The following REST variants were observed in gnomAD, a reference collection of about 807,000 sequenced individuals.
REST encodes the protein RE1 silencing transcription factor, also known as RE1-silencing transcription factor.
REST carries 1 observed loss-of-function variant against 30.4 expected under a neutral mutation model. The observed-to-expected ratio is 0.03, with a 90% CI of 0.01 to 0.16. REST has a LOEUF of 0.16. Among genes scored for constraint, REST ranks in the 10% least tolerant of loss-of-function variants. The probability of loss-of-function intolerance (pLI) is 1.00; values close to 1 mark genes in which losing one functional copy is unlikely to be tolerated. For synonymous variants in REST, 504 were observed against 451.1 expected, an observed-to-expected ratio of 1.12 and a Z score of -1.49; for missense variants, 1,259 against 1,329.5, an observed-to-expected ratio of 0.95 and a Z score of 0.82.
At chr4:56,915,189 TACAGGCGTGAGCC>T (rs1442310006) in intron 2 of REST, among the ~76,000 whole-genome samples, 6 of 149,726 alleles carry the variant, frequency 4.0e-5, no homozygotes, top group African/African-American at 1.5e-4. Context: ...TCCCAAAGAT[TACAGGCGTGAGCC>T]ACCACGCCTG....
At chr4:56,927,425 A>G (rs939441831) in intron 3 of REST, among the ~76,000 whole-genome samples, 6 of 152,256 alleles carry the variant, frequency 3.9e-5, no homozygotes, top group Non-Finnish European at 8.8e-5. Flanking sequence ...GACTACCTGG[A>G]TAAGGTGATT....
At chr4:56,924,087 G>C (rs866969467) in intron 3 of REST, among the ~76,000 whole-genome samples, 2 of 151,964 alleles carry the variant, frequency 1.3e-5, no homozygotes, top group Middle Eastern at 6.8e-3. Context: ...CAAACTCCTG[G>C]CCTCAAGCAG....
intron 1 of REST, among the ~76,000 whole-genome samples, chr4:56,908,439 G>A (rs1034510344): frequency 6.6e-6 from 1 of 151,960 alleles, no homozygotes; most frequent in Non-Finnish European, 1.5e-5. Context: ...GCGTTTGTTG[G>A]GAGCAGCGCG....
At position 56,930,476 on chromosome 4, in the gene REST, T is replaced by A. The variant is rs1344692204; in HGVS notation, c.1618T>A (p.Ser540Thr). The A allele has an allele frequency of 6.2e-7, 1 of 1,611,338 alleles. No individual in the cohort carries two copies. The change falls in exon 4 of 4, where the codon TCA (serine) becomes ACA (threonine). Residue 540 changes from serine to threonine, a missense_variant. By Grantham distance (58) the Ser-to-Thr change is moderately conservative. Around this residue, in one of 5 missense-constraint regions of REST, gnomAD observed 856 missense variants for 772.8 expected, o/e 1.11. Coordinates refer to ENST00000309042, the MANE Select transcript of REST (RefSeq NM_005612.5). ...LHGPVNDEES[S>T]TKKKKKVESK... ...TGGTCCTGTGAATGATGAGGAATCTTCAACAAAAAAGAAAAAGAAGGTAGA... is the reference window on the plus strand; with the variant it reads ...TGGTCCTGTGAATGATGAGGAATCTACAACAAAAAAGAAAAAGAAGGTAGA...
intron 3 of REST, 198 bp downstream of exon 3, chr4:56,920,068 T>C: frequency 2.6e-6 from 1 of 382,008 alleles, no homozygotes. Context: ...AAAATGGAAT[T>C]TTTGTGTACA....
chr4:56,925,059 G>A (rs959320956), intron 3 of REST, among the ~76,000 whole-genome samples: 11 of 151,666 alleles, frequency 7.3e-5, no homozygotes, highest in East Asian at 3.9e-4. Context: ...CAGCTACTCC[G>A]GAGGCTGAGA....
In REST at chr4:56,931,315, TAAAAAG is replaced by T. The variant is rs773617219; in HGVS notation, c.2458_2463del (p.Lys820_Lys821del). ...CCAAAAAGCCTCCTCTCCGAAAAGATAAAAAGGAAAAGTCTAACATGCAGAGTGAAA... is the reference window on the plus strand; with the variant it reads ...CCAAAAAGCCTCCTCTCCGAAAAGATGAAAAGTCTAACATGCAGAGTGAAA... On this transcript the variant is annotated inframe_deletion, in exon 4 of 4. Transcript: ENST00000309042. 9 of 1,614,146 alleles carry T rather than the reference TAAAAAG, an allele frequency of 5.6e-6. No individual in the cohort carries two copies. The highest frequency in any genetic ancestry group is 4.0e-5 in the African/African-American group (3 of 75,030).
At position 56,934,466 on chromosome 4, in the gene REST, T is replaced by C. The variant is rs2109584515; in HGVS notation, c.*2314T>C. The C allele has an allele frequency of 6.6e-6, 1 of 152,310 alleles. No homozygotes were observed. Among genetic ancestry groups the C allele is most frequent in the East Asian group, 1.9e-4 (1 of 5,184 alleles). The allele number at this position is 152,310 out of a possible 1,614,324, so 9.4% of individuals were successfully genotyped here. ...GAAATTAAAACCCCTTATTATTAAA[T>C]TGATTTGTAAAAACATTGTTACTGG... is the stretch of plus-strand genomic sequence containing the variant. On this transcript the variant is annotated 3_prime_UTR_variant, in exon 4 of 4. Transcript: ENST00000309042.
intron 2 of REST, among the ~76,000 whole-genome samples, chr4:56,914,379 A>G (rs529133708): frequency 6.6e-6 from 1 of 152,336 alleles, no homozygotes; most frequent in South Asian, 2.1e-4. Context: ...CAGCAGATGG[A>G]TGGCTCATGT....
At chr4:56,921,314 T>G (rs1720440875) in intron 3 of REST, among the ~76,000 whole-genome samples, 1 of 152,236 alleles carries the variant, frequency 6.6e-6, no homozygotes, top group Non-Finnish European at 1.5e-5. Flanking sequence ...GAGTAGCCAC[T>G]AGCCACATGT....
intron 2 of REST, among the ~76,000 whole-genome samples, chr4:56,917,854 A>G (rs1720275232): frequency 1.3e-5 from 2 of 151,340 alleles, no homozygotes; most frequent in Admixed American, 1.3e-4. Flanking sequence ...GATCGAGACC[A>G]TCCTGGCTAA....
In REST at chr4:56,910,308, G is replaced by A. The variant is rs546562092; in HGVS notation, c.-9-322G>A. Among the ~76,000 whole-genome samples the A allele has an allele frequency of 1.9e-3, 287 of 152,246 alleles. 2 individuals carry two copies. The highest frequency in any genetic ancestry group is 6.2e-3 in the African/African-American group (259 of 41,540). ...AATAATTTTAACAGTAAAAATGAAG[G>A]TTACTTTTTATCCCCACCAGAACAA... On this transcript the variant is annotated intron_variant, in intron 1 of 3. Coordinates refer to ENST00000309042, the MANE Select transcript of REST (RefSeq NM_005612.5).
chr4:56,914,846 G>A (rs1392819304), intron 2 of REST, among the ~76,000 whole-genome samples: 1 of 150,188 alleles, frequency 6.7e-6, no homozygotes, highest in East Asian at 1.9e-4. Flanking sequence ...GAGCCACCAA[G>A]CCTGGCCTGG....
intron 3 of REST, among the ~76,000 whole-genome samples, chr4:56,928,943 G>A (rs114389802): frequency 6.6e-5 from 10 of 151,736 alleles, no homozygotes; most frequent in African/African-American, 2.4e-4. Flanking sequence ...CTGTTGCCCA[G>A]GTTGGAGTTC....
intron 3 of REST, among the ~76,000 whole-genome samples, chr4:56,920,920 C>T (rs1720418323): frequency 6.6e-6 from 1 of 152,018 alleles, no homozygotes; most frequent in Non-Finnish European, 1.5e-5. Flanking sequence ...GGCTGGAGTG[C>T]AGTAGTGCGA....
chr4:56,929,002 G>A (rs941727047), intron 3 of REST, among the ~76,000 whole-genome samples: 9 of 151,720 alleles, frequency 5.9e-5, no homozygotes, highest in African/African-American at 9.7e-5. Flanking sequence ...GGGCTTAAGC[G>A]GTCCTCCCGC....
In REST at chr4:56,930,964, G is replaced by A. The variant is rs532829640; in HGVS notation, c.2106G>A (p.Gly702=). Residue 702 remains glycine, a synonymous_variant, in exon 4 of 4, where the codon GGG becomes GGA. Coordinates refer to ENST00000309042, the MANE Select transcript of REST (RefSeq NM_005612.5). ...CTCAGACGGAGGTTGCCCAAATGGG[G>A]CCTGCTCCCATGGAACCTGCTCAGA... is the stretch of plus-strand genomic sequence containing the variant. The part of the protein sequence containing the change: ...ETAQTEVAQM[G]PAPMEPAQME... 6.2e-7 allele frequency: 1 copy of A among 1,614,002 alleles called. No individual in the cohort carries two copies. Among genetic ancestry groups the A allele is most frequent in the Non-Finnish European group, 8.5e-7 (1 of 1,179,842 alleles).
In REST at chr4:56,930,335, C is replaced by T. The variant is rs749881609; in HGVS notation, c.1477C>T (p.Arg493Ter). ...AGTGATCCAGGTGACTACCAGAACT[C>T]GAAAATCAGTAACAGAGGTGAAAGA... ...VSVIQVTTRT[R>*]KSVTEVKEMD... Residue 493 changes from arginine to a stop codon, truncating the protein, a stop_gained, in exon 4 of 4, where the codon CGA becomes TGA. Transcript: ENST00000309042. LOFTEE classifies it low-confidence loss of function (END_TRUNC). 1 of 1,613,858 alleles carries T rather than the reference C, an allele frequency of 6.2e-7. No individual in the cohort carries two copies. Among genetic ancestry groups the T allele is most frequent in the Non-Finnish European group, 8.5e-7 (1 of 1,180,002 alleles).
chr4:56,927,383 A>G (rs374295420), intron 3 of REST, among the ~76,000 whole-genome samples: 4 of 152,216 alleles, frequency 2.6e-5, no homozygotes, highest in African/African-American at 9.6e-5. Flanking sequence ...CAACATGGAG[A>G]AGAATTGTCC....
Sources: gnomAD v4.1 joint callset for allele counts (sites outside exome capture counted in the v4.1 genomes callset) on GRCh38, gnomAD v4.1.1 for gene constraint, gnomAD v4.1.1 regional missense constraint, MANE v1.5 for transcripts, NCBI Gene and HGNC (gene_info 2026-07-23, HGNC 2026-07-21) for gene names.